BMPR1A: variants seen among roughly 807,000 people sequenced by gnomAD.
BMPR1A encodes bone morphogenetic protein receptor type-1A.
A neutral mutation model predicts 66.0 loss-of-function variants in BMPR1A; 7 were observed. The observed-to-expected ratio is 0.11, with a 90% CI of 0.06 to 0.20. BMPR1A has a LOEUF of 0.20. Ranked by LOEUF, BMPR1A falls within the 10% of genes least tolerant of loss-of-function variation. BMPR1A has a pLI of 1.00. For missense variants in BMPR1A, 408 were observed against 669.1 expected (o/e 0.61, Z 4.31); for synonymous variants, 200 against 229.7 (o/e 0.87, Z 1.17).
At chr10:86,787,262 G>GA (rs111336312) in intron 1 of BMPR1A, among the ~76,000 whole-genome samples, 11,195 of 152,206 alleles carry the variant, frequency 0.074, 490 homozygotes, top group Non-Finnish European at 0.076. Flanking sequence ...CACCAGTAAA[G>GA]AAAGGGGTCA....
intron 2 of BMPR1A, among the ~76,000 whole-genome samples, chr10:86,850,430 A>T (rs1179837166): frequency 6.6e-6 from 1 of 152,144 alleles, no homozygotes; most frequent in African/African-American, 2.4e-5. Context: ...CTGCTTTTCA[A>T]ATTTAGTGTA....
At chr10:86,777,738 G>A (rs1300099785) in intron 1 of BMPR1A, among the ~76,000 whole-genome samples, 1 of 151,854 alleles carries the variant, frequency 6.6e-6, no homozygotes, top group East Asian at 1.9e-4. Flanking sequence ...TTTAGGCCAG[G>A]CGCAGTGGCT....
chr10:86,912,022 G>A (rs998299136), intron 7 of BMPR1A, among the ~76,000 whole-genome samples: 1 of 152,040 alleles, frequency 6.6e-6, no homozygotes, highest in African/African-American at 2.4e-5. Flanking sequence ...CTTTTTACAT[G>A]CCAATACACT....
intron 1 of BMPR1A, among the ~76,000 whole-genome samples, chr10:86,762,378 A>C (rs1457204233): frequency 1.3e-5 from 2 of 152,182 alleles, no homozygotes; most frequent in African/African-American, 2.4e-5. Flanking sequence ...TTTCTTTTTG[A>C]GACGGAGTCT....
intron 2 of BMPR1A, among the ~76,000 whole-genome samples, chr10:86,868,777 T>TG (rs1842816306): frequency 7.2e-6 from 1 of 139,172 alleles, no homozygotes; most frequent in Admixed American, 7.3e-5. Flanking sequence ...CCTTTTCCTG[T>TG]GTTTTTTTTT....
At chr10:86,884,847 A>G (rs142037155) in intron 3 of BMPR1A, among the ~76,000 whole-genome samples, 17 of 152,306 alleles carry the variant, frequency 1.1e-4, no homozygotes, top group Non-Finnish European at 2.1e-4. Context: ...GAATGTATCA[A>G]CCCATTTTTG....
At chr10:86,859,647 T>G (rs893361979) in intron 2 of BMPR1A, among the ~76,000 whole-genome samples, 16 of 151,948 alleles carry the variant, frequency 1.1e-4, no homozygotes, top group Non-Finnish European at 1.2e-4. Context: ...CCATCTCTAC[T>G]AAAAATATAA....
At chr10:86,774,448 TA>T (rs59787839) in intron 1 of BMPR1A, among the ~76,000 whole-genome samples, 11,630 of 145,294 alleles carry the variant, frequency 0.08, 510 homozygotes, top group Middle Eastern at 0.14. Flanking sequence ...GTAAAGAAAT[TA>T]AAAAAAAAAA....
chr10:86,878,365 A>C (rs1479175248), intron 3 of BMPR1A, among the ~76,000 whole-genome samples: 1 of 152,240 alleles, frequency 6.6e-6, no homozygotes, highest in Non-Finnish European at 1.5e-5. Flanking sequence ...ATCTGATATT[A>C]ACAGCTGATA....
At chr10:86,819,652 G>T (rs946579322) in intron 1 of BMPR1A, among the ~76,000 whole-genome samples, 1 of 152,138 alleles carries the variant, frequency 6.6e-6, no homozygotes, top group African/African-American at 2.4e-5. Flanking sequence ...AGAAATTTAT[G>T]CTTGAAGCCT....
intron 3 of BMPR1A, among the ~76,000 whole-genome samples, chr10:86,880,716 C>G (rs563847211): frequency 2.1e-3 from 322 of 152,316 alleles, no homozygotes; most frequent in Non-Finnish European, 3.1e-3. Flanking sequence ...CACTAAGGAT[C>G]TAGAACTCCT....
intron 2 of BMPR1A, chr10:86,843,469 G>A (rs947832591): frequency 6.6e-6 from 1 of 152,222 alleles, no homozygotes; most frequent in Admixed American, 6.5e-5. Context: ...GAATCAGAAA[G>A]TAACCTGCTC....
At chr10:86,872,770 G>T (rs956179272) in intron 2 of BMPR1A, among the ~76,000 whole-genome samples, 12 of 151,968 alleles carry the variant, frequency 7.9e-5, no homozygotes, top group Admixed American at 7.2e-4. Flanking sequence ...TTAAGATGGG[G>T]TCTTGCTGTG....
At chr10:86,832,797 A>G (rs1168906145) in intron 1 of BMPR1A, among the ~76,000 whole-genome samples, 2 of 152,184 alleles carry the variant, frequency 1.3e-5, no homozygotes, top group South Asian at 2.1e-4. Flanking sequence ...GGTGATGACA[A>G]TTTATGTGCT....
intron 1 of BMPR1A, among the ~76,000 whole-genome samples, chr10:86,763,077 G>C (rs1182122749): frequency 1.3e-5 from 2 of 151,968 alleles, no homozygotes. Context: ...TGTATTTTTA[G>C]TAGAGACGGG....
At chr10:86,772,331 C>A (rs1056173879) in intron 1 of BMPR1A, among the ~76,000 whole-genome samples, 1 of 151,738 alleles carries the variant, frequency 6.6e-6, no homozygotes, top group Non-Finnish European at 1.5e-5. Flanking sequence ...GGGGTTTCAC[C>A]GTGTTAGCCA....
intron 3 of BMPR1A, 85 bp downstream of exon 3, chr10:86,876,170 T>G: frequency 7.5e-7 from 1 of 1,324,980 alleles, no homozygotes; most frequent in South Asian, 1.2e-5. Flanking sequence ...CATCCCTGTT[T>G]GAATAGTTAG....
intron 3 of BMPR1A, among the ~76,000 whole-genome samples, chr10:86,879,032 T>TA (rs899600644): frequency 6.6e-5 from 10 of 152,046 alleles, no homozygotes; most frequent in African/African-American, 2.2e-4. Flanking sequence ...TTTATTTTTT[T>TA]AAAAAAAAGT....
chr10:86,822,240 C>T (rs570727685), intron 1 of BMPR1A, among the ~76,000 whole-genome samples: 9 of 152,274 alleles, frequency 5.9e-5, no homozygotes, highest in African/African-American at 2.2e-4. Context: ...ACTCATTTTT[C>T]TATCCAAAAT....
Sources: gnomAD v4.1 joint callset for allele counts (sites outside exome capture counted in the v4.1 genomes callset) on GRCh38, gnomAD v4.1.1 for gene constraint, MANE v1.5 for transcripts, NCBI Gene and HGNC (gene_info 2026-07-23, HGNC 2026-07-21) for gene names.